Variants in RIMS1 observed in about 807,000 individuals in gnomAD.
RIMS1 encodes regulating synaptic membrane exocytosis 1.
A neutral mutation model predicts 214.1 loss-of-function variants in RIMS1; 83 were observed. The observed-to-expected ratio is 0.39, with a 90% CI of 0.32 to 0.47. The LOEUF (loss-of-function observed/expected upper bound fraction) is 0.47, where lower values mean the gene tolerates loss of function less well. RIMS1 is among the 20% of genes least tolerant of loss of function. RIMS1 has a pLI of 0.99. For missense variants in RIMS1, 2,050 were observed against 2,161.8 expected (o/e 0.95, Z 1.03); for synonymous variants, 793 against 786.8 (o/e 1.01, Z -0.13).
chr6:71,978,628 T>G (rs1355084789), intron 2 of RIMS1, among the ~76,000 whole-genome samples: 1 of 152,154 alleles, frequency 6.6e-6, no homozygotes, highest in Non-Finnish European at 1.5e-5. Flanking sequence ...TCATATATTT[T>G]ATCATGAATG....
chr6:72,221,548 A>G (rs2058439715), intron 6 of RIMS1, among the ~76,000 whole-genome samples: 1 of 152,016 alleles, frequency 6.6e-6, no homozygotes, highest in Non-Finnish European at 1.5e-5. Context: ...ATCACAAATT[A>G]TTTACAAATA....
intron 1 of RIMS1, among the ~76,000 whole-genome samples, chr6:71,949,458 A>AT (rs1264646836): frequency 1.3e-5 from 2 of 152,184 alleles, no homozygotes; most frequent in Non-Finnish European, 2.9e-5. Context: ...GAAGTAGGCT[A>AT]TGACTGAGGC....
rs1182468733 is a variant in RIMS1 at position 72,242,446 on chromosome 6, A to G, written c.2081+9A>G. The G allele has an allele frequency of 1.3e-6, 2 of 1,528,156 alleles. No homozygotes were observed. Among genetic ancestry groups the G allele is most frequent in the Non-Finnish European group, 1.8e-6 (2 of 1,135,876 alleles). 94.7% of individuals were successfully genotyped at this position (1,528,156 alleles called of 1,614,324 possible). A position where few individuals can be genotyped will look rare whatever the true frequency, so the allele number is the denominator to read the frequency against. ...GTTTCAAGGCCTATTGGGTAAGGCTAAAAAAACTTACTTCTTAAGTTTAGT... is the reference window on the plus strand; with the variant it reads ...GTTTCAAGGCCTATTGGGTAAGGCTGAAAAAACTTACTTCTTAAGTTTAGT... On this transcript the variant is annotated intron_variant, in intron 10 of 33. Coordinates refer to ENST00000521978, the MANE Select transcript of RIMS1 (RefSeq NM_014989.7).
chr6:71,908,593 C>T (rs532912337), intron 1 of RIMS1, among the ~76,000 whole-genome samples: 22 of 152,310 alleles, frequency 1.4e-4, no homozygotes, highest in African/African-American at 5.3e-4. Context: ...CTAATTTACT[C>T]ATAGGCTCTG....
intron 8 of RIMS1, among the ~76,000 whole-genome samples, chr6:72,236,655 C>A (rs1190259245): frequency 6.6e-6 from 1 of 151,824 alleles, no homozygotes; most frequent in South Asian, 2.1e-4. Context: ...TTTATGGTGC[C>A]CTTTTATTGT....
At chr6:71,974,285 G>T (rs1796616738) in intron 2 of RIMS1, among the ~76,000 whole-genome samples, 1 of 152,056 alleles carries the variant, frequency 6.6e-6, no homozygotes, top group Admixed American at 6.6e-5. Flanking sequence ...TTTCGTGGGT[G>T]GGTGGGAATT....
chr6:71,965,295 G>GT (rs528337703), intron 1 of RIMS1, among the ~76,000 whole-genome samples: 1,925 of 151,430 alleles, frequency 0.013, 10 homozygotes, highest in Non-Finnish European at 0.019. Context: ...AATAGTGGTG[G>GT]TTTTTTTTTG....
intron 6 of RIMS1, among the ~76,000 whole-genome samples, chr6:72,231,270 G>C (rs987867547): frequency 5.9e-5 from 9 of 151,562 alleles, no homozygotes; most frequent in African/African-American, 2.2e-4. Flanking sequence ...TTACAACTAA[G>C]TATTTAGATT....
rs553071148 is a variant in RIMS1, at chr6:72,149,419, T to C, written c.472-30156T>C. 2.0e-5 allele frequency among the ~76,000 whole-genome samples: 3 copies of C among 152,260 alleles called. No homozygotes were observed. In the East Asian group the frequency reaches 5.8e-4, roughly 29 times the overall value. On this transcript the variant is annotated intron_variant, in intron 4 of 33. Transcript: ENST00000521978. The stretch of plus-strand genomic sequence containing the variant: ...GGGCCTTAGGACAACAATGAGGTGT[T>C]GCCTTGGCCAGATGCCTTCAGTTTC...
At chr6:72,236,771 T>C (rs1257129634) in intron 8 of RIMS1, among the ~76,000 whole-genome samples, 1 of 124,938 alleles carries the variant, frequency 8.0e-6, no homozygotes, top group African/African-American at 3.1e-5. Context: ...ACACTAACAA[T>C]AGCTGATGAG....
chr6:72,210,407 T>G (rs1003832782), intron 6 of RIMS1, among the ~76,000 whole-genome samples: 2 of 152,188 alleles, frequency 1.3e-5, no homozygotes, highest in Non-Finnish European at 2.9e-5. Flanking sequence ...TAGAAAAGAA[T>G]AGAATATGCA....
At chr6:72,339,274 ATTAT>A (rs1422159290) in intron 29 of RIMS1, among the ~76,000 whole-genome samples, 1 of 151,724 alleles carries the variant, frequency 6.6e-6, no homozygotes, top group Non-Finnish European at 1.5e-5. Flanking sequence ...CATTTTCTGA[ATTAT>A]TTATATCTTT....
chr6:72,184,563 A>G (rs930336384), intron 6 of RIMS1, among the ~76,000 whole-genome samples: 7 of 152,362 alleles, frequency 4.6e-5, no homozygotes, highest in South Asian at 2.1e-4. Context: ...AGGATAGTCA[A>G]GGACCTAAAG....
chr6:72,128,630 T>A (rs937940423), intron 4 of RIMS1, among the ~76,000 whole-genome samples: 4 of 152,204 alleles, frequency 2.6e-5, no homozygotes, highest in African/African-American at 9.6e-5. Flanking sequence ...CAATGTGTTT[T>A]CTATTGTACA....
At chr6:72,263,654 G>A (rs950326073) in intron 19 of RIMS1, 19 of 985,102 alleles carry the variant, frequency 1.9e-5, no homozygotes, top group East Asian at 2.3e-4. Context: ...AAGAAGAGTC[G>A]ACTGTCTAGA....
At chr6:72,371,186 G>A (rs925908606) in intron 29 of RIMS1, among the ~76,000 whole-genome samples, 2 of 151,990 alleles carry the variant, frequency 1.3e-5, no homozygotes, top group Non-Finnish European at 2.9e-5. Flanking sequence ...CACATGTGTG[G>A]TCTGGAGGGT....
At chr6:71,963,912 G>A (rs72929553) in intron 1 of RIMS1, among the ~76,000 whole-genome samples, 8,169 of 152,138 alleles carry the variant, frequency 0.054, 316 homozygotes, top group Non-Finnish European at 0.08. Flanking sequence ...TAACAAATAT[G>A]TGGTGAGTTG....
intron 2 of RIMS1, among the ~76,000 whole-genome samples, chr6:72,045,524 TA>T: frequency 6.6e-6 from 1 of 152,138 alleles, no homozygotes; most frequent in Middle Eastern, 3.4e-3. Context: ...TTGTAATTAT[TA>T]AAAAAGCTAC....
intron 15 of RIMS1, among the ~76,000 whole-genome samples, chr6:72,252,052 G>T (rs1361970932): frequency 1.3e-5 from 2 of 152,084 alleles, no homozygotes; most frequent in Admixed American, 6.6e-5. Flanking sequence ...AAGAAATGTT[G>T]TTTAAAATAT....
Sources: allele counts gnomAD v4.1 joint callset (sites outside exome capture counted in the v4.1 genomes callset), GRCh38; gene constraint gnomAD v4.1.1; transcripts MANE v1.5; gene names NCBI Gene and HGNC (gene_info 2026-07-23, HGNC 2026-07-21).